The following MLYCD variants were observed in gnomAD, a reference collection of about 807,000 sequenced individuals.
MLYCD encodes the protein malonyl-CoA decarboxylase, mitochondrial.
In MLYCD, 27 loss-of-function variants were observed where a neutral mutation model predicts 35.8. The observed-to-expected ratio is 0.75, with a 90% CI of 0.56 to 1.04. The LOEUF (loss-of-function observed/expected upper bound fraction) is 1.04. MLYCD is among the 50% of genes least tolerant of loss of function. The probability of loss-of-function intolerance (pLI) is 0.00; values close to 1 mark genes in which losing one functional copy is unlikely to be tolerated. For missense variants in MLYCD, 917 were observed against 665.1 expected (o/e 1.38, Z -4.17); for synonymous variants, 403 against 302.4 (o/e 1.33, Z -3.45).
chr16:83,915,188 T>A lies in MLYCD; in HGVS notation c.1181T>A (p.Leu394Gln). The change falls in exon 5 of 5, where the codon CTG (leucine) becomes CAG (glutamine). Residue 394 changes from leucine (L) to glutamine (Q), a missense_variant. Coordinates refer to ENST00000262430, the MANE Select transcript of MLYCD (RefSeq NM_012213.3). ...CAGTCGGAGAAGCTGGTGCGGGCGC[T>A]GCAGACTCCGCTGATGAGGCTGTGC... ...WVQSEKLVRALQTPLMRLCAW... is the reference protein window; with the variant it reads ...WVQSEKLVRAQQTPLMRLCAW... 9 of 1,614,110 alleles carry A rather than the reference T, an allele frequency of 5.6e-6. No homozygotes were observed. Among genetic ancestry groups the A allele is most frequent in the Non-Finnish European group, 7.6e-6 (9 of 1,179,928 alleles).
chr16:83,920,814 T>C lies in MLYCD; in HGVS notation c.*5325T>C, dbSNP rs564793996. 1.3e-4 allele frequency: 20 copies of C among 152,390 alleles called. No homozygotes were observed. The highest frequency in any genetic ancestry group is 2.1e-4 in the Non-Finnish European group (14 of 68,050). 9.4% of individuals were successfully genotyped at this position (152,390 alleles called of 1,614,324 possible). A position where few individuals can be genotyped will look rare whatever the true frequency, so the allele number is the denominator to read the frequency against. ...ACAGTCATCAGTGGTTTTCTGTTTT[T>C]ATCAAACTTTATCTTTGTACTTCTT... On this transcript the variant is annotated 3_prime_UTR_variant, in exon 5 of 5. Transcript: ENST00000262430.
Position 83,918,153 on chromosome 16 carries a change from A to G in MLYCD, c.*2664A>G, listed in dbSNP as rs369503087. ...CACATCACGTTACTCTTTAGGTCAA[A>G]TGTAACCCTCCCGGTTTTATTTATC... On this transcript the variant is annotated 3_prime_UTR_variant, in exon 5 of 5. Transcript: ENST00000262430. The G allele has an allele frequency of 1.3e-5, 2 of 152,366 alleles. No individual in the cohort carries two copies. The highest frequency in any genetic ancestry group is 1.9e-4 in the East Asian group (1 of 5,190). The allele number at this position is 152,366 out of a possible 1,614,324, so 9.4% of individuals were successfully genotyped here.
At chr16:83,907,832 G>C (rs1253976515) in intron 2 of MLYCD, among the ~76,000 whole-genome samples, 1 of 152,162 alleles carries the variant, frequency 6.6e-6, no homozygotes, top group Non-Finnish European at 1.5e-5. Flanking sequence ...CCAAGCGTTT[G>C]ATTAGGTTTC....
chr16:83,902,251 G>GT (rs770493860), intron 1 of MLYCD, among the ~76,000 whole-genome samples: 45 of 145,634 alleles, frequency 3.1e-4, no homozygotes, highest in Admixed American at 4.8e-4. Flanking sequence ...TCATGTTTAT[G>GT]TTTTTTCTTG....
rs1290489519 is a variant in MLYCD, at chr16:83,922,268, TCCGAGA to T, written c.*6782_*6787del. 1.3e-5 allele frequency: 2 copies of T among 152,122 alleles called. No homozygotes were observed. The highest frequency in any genetic ancestry group is 3.9e-4 in the East Asian group (2 of 5,160). 9.4% of individuals were successfully genotyped at this position (152,122 alleles called of 1,614,324 possible). A position where few individuals can be genotyped will look rare whatever the true frequency, so the allele number is the denominator to read the frequency against. ...GCTACTCTGCTCCATTCCCCCCGTA[TCCGAGA>T]CCTAAGTTCCGGCTCTCCTTATCTC... is the stretch of plus-strand genomic sequence containing the variant. On this transcript the variant is annotated 3_prime_UTR_variant, in exon 5 of 5. Coordinates refer to ENST00000262430, the MANE Select transcript of MLYCD (RefSeq NM_012213.3).
rs1432236797 is a variant in MLYCD, at chr16:83,916,626, C to A, written c.*1137C>A. 7.5e-6 allele frequency: 1 copy of A among 134,038 alleles called. No individual in the cohort carries two copies. The highest frequency in any genetic ancestry group is 2.4e-4 in the East Asian group (1 of 4,248). 8.3% of individuals were successfully genotyped at this position (134,038 alleles called of 1,614,324 possible). A position where few individuals can be genotyped will look rare whatever the true frequency, so the allele number is the denominator to read the frequency against. On this transcript the variant is annotated 3_prime_UTR_variant, in exon 5 of 5. Transcript: ENST00000262430. ...TGTGCACGAGCGTCTCTGTGTGGAT[C>A]AGTGCACGTCTGTGTGCGTGTGCAC...
rs774598772 is a variant in MLYCD at position 83,899,641 on chromosome 16, C to T, written c.497C>T (p.Ala166Val). ...QLRADLLEAQALKLVEGPDVR... is the reference protein window; with the variant it reads ...QLRADLLEAQVLKLVEGPDVR... Reference sequence around the variant, plus strand: ...CGGGCCGACCTGCTGGAGGCGCAGGCCCTCAAGCTGGTGGAGGGGCCGGAC... The same window carrying T: ...CGGGCCGACCTGCTGGAGGCGCAGGTCCTCAAGCTGGTGGAGGGGCCGGAC... Residue 166 changes from alanine (A) to valine (V), a missense_variant, in exon 1 of 5, where the codon GCC (alanine) becomes GTC (valine). Coordinates refer to ENST00000262430, the MANE Select transcript of MLYCD (RefSeq NM_012213.3). The T allele has an allele frequency of 3.9e-5, 60 of 1,551,664 alleles. No homozygotes were observed. The highest frequency in any genetic ancestry group is 7.5e-5 in the Admixed American group (4 of 53,036).
intron 2 of MLYCD, among the ~76,000 whole-genome samples, chr16:83,907,498 TA>T (rs2151056855): frequency 6.6e-6 from 1 of 152,298 alleles, no homozygotes; most frequent in East Asian, 1.9e-4. Context: ...CTCCCTGAGT[TA>T]AAATCTCTAA....
intron 1 of MLYCD, 129 bp downstream of exon 1, chr16:83,899,801 T>G: frequency 8.5e-7 from 1 of 1,181,654 alleles, no homozygotes; most frequent in South Asian, 1.6e-5. Context: ...TCGCCCGCAG[T>G]TACCGCCTGC....
Position 83,906,868 on chromosome 16 carries a change from T to C in MLYCD, c.529-119T>C, listed in dbSNP as rs1211264315. 3.4e-6 allele frequency: 3 copies of C among 883,702 alleles called. No individual in the cohort carries two copies. The Admixed American group carries it at 5.1e-5, about 15-fold the overall frequency. The allele number at this position is 883,702 out of a possible 1,614,324, so 54.7% of individuals were successfully genotyped here. A position where few individuals can be genotyped will look rare whatever the true frequency, so the allele number is the denominator to read the frequency against. ...GGGAAAAGCTGTTTGGAGAGTTGTC[T>C]TGCACAATTGTCTTATGTATCGTGC... On this transcript the variant is annotated intron_variant, in intron 1 of 4. Transcript: ENST00000262430.
intron 2 of MLYCD, among the ~76,000 whole-genome samples, chr16:83,907,403 G>A (rs1907018840): frequency 6.6e-6 from 1 of 152,128 alleles, no homozygotes; most frequent in Admixed American, 6.5e-5. Context: ...CCAAGACCCC[G>A]TGATCAGAGT....
In MLYCD at chr16:83,912,342, T is replaced by C; in HGVS notation, c.923T>C (p.Ile308Thr). 2 of 1,614,136 alleles carry C rather than the reference T, an allele frequency of 1.2e-6. No homozygotes were observed. The highest frequency in any genetic ancestry group is 1.7e-6 in the Non-Finnish European group (2 of 1,180,026). ...LQGVELGTFLIKRVVKELQRE... is the reference protein window; with the variant it reads ...LQGVELGTFLTKRVVKELQRE... ...GGGGTGGAGCTGGGAACATTCCTCA[T>C]AAAGCGAGTCGTCAAGGAGTTGCAG... The change falls in exon 4 of 5, where the codon ATA becomes ACA. Residue 308 changes from isoleucine to threonine, a missense_variant. Physicochemically the swap from Ile to Thr is moderately conservative, Grantham distance 89 (BLOSUM62 -1). Coordinates refer to ENST00000262430, the MANE Select transcript of MLYCD (RefSeq NM_012213.3).
At chr16:83,903,614 C>G (rs1377197474) in intron 1 of MLYCD, among the ~76,000 whole-genome samples, 1 of 152,182 alleles carries the variant, frequency 6.6e-6, no homozygotes, top group East Asian at 1.9e-4. Flanking sequence ...GTGGGCTGGT[C>G]TAAACGGTGT....
At chr16:83,914,444 G>A (rs1377115650) in intron 4 of MLYCD, 1 of 204,186 alleles carries the variant, frequency 4.9e-6, no homozygotes, top group Non-Finnish European at 1.0e-5. Flanking sequence ...AAGGCCTGCA[G>A]TGAGTAGCTG....
intron 1 of MLYCD, among the ~76,000 whole-genome samples, chr16:83,902,129 A>ATGTGTG (rs1906809853): frequency 2.3e-5 from 3 of 130,282 alleles, no homozygotes; most frequent in African/African-American, 9.2e-5. Context: ...ATGTATGTGT[A>ATGTGTG]TATGTGTGTG....
chr16:83,909,907 A>G (rs1263974315), intron 3 of MLYCD, among the ~76,000 whole-genome samples: 1 of 151,800 alleles, frequency 6.6e-6, no homozygotes, highest in African/African-American at 2.4e-5. Context: ...TGCTGGGACT[A>G]TAAAGGCGTG....
At chr16:83,904,399 A>AG (rs1906905177) in intron 1 of MLYCD, among the ~76,000 whole-genome samples, 1 of 152,164 alleles carries the variant, frequency 6.6e-6, no homozygotes, top group African/African-American at 2.4e-5. Context: ...TTAGCACGTA[A>AG]GAGTGTGAGA....
intron 1 of MLYCD, among the ~76,000 whole-genome samples, chr16:83,900,301 C>T (rs1377218088): frequency 2.6e-5 from 4 of 152,184 alleles, no homozygotes; most frequent in African/African-American, 9.7e-5. Context: ...GGCATTAGCA[C>T]AGTTCATTCA....
chr16:83,899,137 G>A lies in MLYCD; in HGVS notation c.-8G>A. Reference sequence around the variant, plus strand: ...GGCGCTCCCCCTCGGCAGCTGTTGTGGGGCACCATGCGAGGCTTCGGGCCA... The same window carrying A: ...GGCGCTCCCCCTCGGCAGCTGTTGTAGGGCACCATGCGAGGCTTCGGGCCA... On this transcript the variant is annotated 5_prime_UTR_variant, in exon 1 of 5. Coordinates refer to ENST00000262430, the MANE Select transcript of MLYCD (RefSeq NM_012213.3). The A allele has an allele frequency of 4.4e-6, 5 of 1,129,884 alleles. No individual in the cohort carries two copies. In the South Asian group the frequency reaches 1.5e-4, roughly 34 times the overall value. 70.0% of individuals were successfully genotyped at this position (1,129,884 alleles called of 1,614,324 possible).
Sources: gnomAD v4.1 joint callset for allele counts (sites outside exome capture counted in the v4.1 genomes callset) on GRCh38, gnomAD v4.1.1 for gene constraint, MANE v1.5 for transcripts, NCBI Gene and HGNC (gene_info 2026-07-23, HGNC 2026-07-21) for gene names.